LMNB1: variants seen among roughly 807,000 people sequenced by gnomAD.
LMNB1 encodes the protein lamin B1.
In LMNB1, 23 loss-of-function variants were observed where a neutral mutation model predicts 67.1. That is an observed-to-expected ratio of 0.34 (90% confidence interval 0.25 to 0.49). The LOEUF is 0.49. Ranked by LOEUF, LMNB1 falls within the 20% of genes least tolerant of loss-of-function variation. The pLI is 0.99. For missense variants in LMNB1, 634 were observed against 746.5 expected (o/e 0.85, Z 1.76); for synonymous variants, 281 against 282.9 (o/e 0.99, Z 0.07).
chr5:126,811,707 T>A (rs1252931212), intron 4 of LMNB1, 66 bp from the exon 5 acceptor site: 1 of 1,484,556 alleles, frequency 6.7e-7, no homozygotes, highest in Non-Finnish European at 9.2e-7. Flanking sequence ...TGCCTTGAGG[T>A]GAATCATGCT....
chr5:126,812,718 CTTTTTTT>C (rs11430160), intron 5 of LMNB1, among the ~76,000 whole-genome samples: 7,757 of 117,212 alleles, frequency 0.066, 103 homozygotes, highest in Middle Eastern at 0.13. Flanking sequence ...CTTTATTTTA[CTTTTTTT>C]TTTTTTTTTT....
intron 9 of LMNB1, among the ~76,000 whole-genome samples, chr5:126,828,735 A>G (rs772420490): frequency 4.0e-5 from 6 of 151,780 alleles, no homozygotes; most frequent in Non-Finnish European, 5.9e-5. Flanking sequence ...GCTAATTTTT[A>G]TATTTTTAGT....
chr5:126,836,520 A>G lies in LMNB1; in HGVS notation c.*256A>G, dbSNP rs1752251447. The G allele has an allele frequency of 2.8e-6, 1 of 360,146 alleles. No individual in the cohort carries two copies. Among genetic ancestry groups the G allele is most frequent in the East Asian group, 4.1e-5 (1 of 24,100 alleles). 22.3% of individuals were successfully genotyped at this position (360,146 alleles called of 1,614,324 possible). On this transcript the variant is annotated 3_prime_UTR_variant, in exon 11 of 11. Coordinates refer to ENST00000261366, the MANE Select transcript of LMNB1 (RefSeq NM_005573.4). ...GTACTGTTCGGAAGGGGTTCCTCAA[A>G]TTTTTTGACTTTTTTTGTATGTGTG...
intron 3 of LMNB1, among the ~76,000 whole-genome samples, chr5:126,807,127 T>G (rs1751462821): frequency 6.6e-6 from 1 of 152,124 alleles, no homozygotes. Flanking sequence ...ACTGCTGTGG[T>G]CAAGGGGCAG....
At chr5:126,819,279 A>AG (rs1207997013) in intron 6 of LMNB1, 137 bp downstream of exon 6, 3 of 602,746 alleles carry the variant, frequency 5.0e-6, no homozygotes, top group Non-Finnish European at 5.8e-6. Context: ...GTATAGAAGT[A>AG]GTAATAGATC....
rs1350211678 is a variant in LMNB1, at chr5:126,777,533, C to A, written c.25C>A (p.Pro9Thr). 4 of 1,403,458 alleles carry A rather than the reference C, an allele frequency of 2.9e-6. No homozygotes were observed. The Admixed American group carries it at 1.3e-4, about 46-fold the overall frequency. The allele number at this position is 1,403,458 out of a possible 1,614,324, so 86.9% of individuals were successfully genotyped here. The change falls in exon 1 of 11, where the codon CCG becomes ACG. Residue 9 changes from proline to threonine, a missense_variant. Physicochemically the swap from Pro to Thr is conservative, Grantham distance 38 (BLOSUM62 -1). Transcript: ENST00000261366. ...CATGGCGACTGCGACCCCCGTGCCG[C>A]CGCGGATGGGCAGCCGCGCTGGCGG... MATATPVP[P>T]RMGSRAGGPT...
rs61089732 is a variant in LMNB1, at chr5:126,810,123, T to C, written c.643-57T>C. ...AGATGGCTGTGATGTCACTCAGATG[T>C]GTACCAATGCAGCCATGGTAAGTAG... On this transcript the variant is annotated intron_variant, in intron 3 of 10. Transcript: ENST00000261366. 2,080 of 1,489,414 alleles carry C rather than the reference T, an allele frequency of 1.4e-3. 21 individuals carry two copies. In the African/African-American group the frequency reaches 0.025, roughly 18 times the overall value. The allele number at this position is 1,489,414 out of a possible 1,614,324, so 92.3% of individuals were successfully genotyped here.
At chr5:126,780,906 T>A (rs897979015) in intron 1 of LMNB1, among the ~76,000 whole-genome samples, 2 of 152,158 alleles carry the variant, frequency 1.3e-5, no homozygotes, top group Non-Finnish European at 2.9e-5. Context: ...TTGAAGATAT[T>A]TAATCATAAT....
intron 9 of LMNB1, among the ~76,000 whole-genome samples, chr5:126,830,356 T>C (rs919378922): frequency 2.0e-5 from 3 of 152,250 alleles, no homozygotes; most frequent in African/African-American, 7.2e-5. Flanking sequence ...TGTGAACCTT[T>C]CAGGACACTT....
At chr5:126,815,719 A>G (rs1751690309) in intron 5 of LMNB1, among the ~76,000 whole-genome samples, 1 of 152,214 alleles carries the variant, frequency 6.6e-6, no homozygotes, top group Non-Finnish European at 1.5e-5. Flanking sequence ...CCTCATAGGT[A>G]GTTTCAATGG....
intron 1 of LMNB1, among the ~76,000 whole-genome samples, chr5:126,789,509 A>G (rs1750898208): frequency 1.3e-5 from 2 of 151,928 alleles, no homozygotes; most frequent in Non-Finnish European, 2.9e-5. Flanking sequence ...TGCCCAGGTT[A>G]TCCTACCTAA....
chr5:126,815,434 C>T (rs1411717358), intron 5 of LMNB1, among the ~76,000 whole-genome samples: 1 of 152,158 alleles, frequency 6.6e-6, no homozygotes, highest in Non-Finnish European at 1.5e-5. Flanking sequence ...TTAGAGTCTG[C>T]TTGCCTTAGA....
At chr5:126,803,063 G>C (rs1015352887) in intron 1 of LMNB1, among the ~76,000 whole-genome samples, 1 of 150,956 alleles carries the variant, frequency 6.6e-6, no homozygotes, top group Non-Finnish European at 1.5e-5. Flanking sequence ...CCGCATGCCT[G>C]TAATCCCAGC....
At chr5:126,784,974 A>C (rs1750733478) in intron 1 of LMNB1, among the ~76,000 whole-genome samples, 1 of 141,760 alleles carries the variant, frequency 7.1e-6, no homozygotes, top group Admixed American at 7.2e-5. Flanking sequence ...AATTTTTAAA[A>C]ATTAATTTTA....
At chr5:126,797,300 T>C (rs1751130180) in intron 1 of LMNB1, among the ~76,000 whole-genome samples, 2 of 152,160 alleles carry the variant, frequency 1.3e-5, no homozygotes, top group African/African-American at 4.8e-5. Flanking sequence ...CTAAAGCAAA[T>C]GGGTATGTTT....
At chr5:126,795,130 C>CTT (rs55837872) in intron 1 of LMNB1, among the ~76,000 whole-genome samples, 10 of 128,942 alleles carry the variant, frequency 7.8e-5, no homozygotes, top group South Asian at 2.4e-4. Flanking sequence ...ATTCCTTTTC[C>CTT]TTTTTTTTTT....
intron 1 of LMNB1, among the ~76,000 whole-genome samples, chr5:126,790,213 C>T (rs34740558): frequency 1.3e-5 from 2 of 152,092 alleles, no homozygotes; most frequent in South Asian, 2.1e-4. Flanking sequence ...TCAAGTGATT[C>T]TTGTGCTTCA....
At chr5:126,798,786 C>T (rs201269606) in intron 1 of LMNB1, among the ~76,000 whole-genome samples, 22 of 78,444 alleles carry the variant, frequency 2.8e-4, no homozygotes, top group East Asian at 9.2e-4. Flanking sequence ...TGTGTGTGTG[C>T]GTGTGCTTGT....
chr5:126,819,605 C>G (rs1751811187), intron 6 of LMNB1, among the ~76,000 whole-genome samples: 2 of 151,874 alleles, frequency 1.3e-5, no homozygotes, highest in South Asian at 4.1e-4. Flanking sequence ...ATTTGCCTAC[C>G]TCAGCCTCCT....
Sources: allele counts gnomAD v4.1 joint callset (sites outside exome capture counted in the v4.1 genomes callset), GRCh38; gene constraint gnomAD v4.1.1; transcripts MANE v1.5; gene names NCBI Gene and HGNC (gene_info 2026-07-23, HGNC 2026-07-21).